DISP1: variants seen among roughly 807,000 people sequenced by gnomAD.
The protein encoded by DISP1 is dispatched RND transporter family member 1, also known as protein dispatched homolog 1.
In DISP1, 30 loss-of-function variants were observed where a neutral mutation model predicts 37.3. The ratio of observed to expected loss-of-function variants is 0.80; its 90% CI spans 0.60 to 1.09. The LOEUF (loss-of-function observed/expected upper bound fraction) is 1.09. DISP1 is among the 50% of genes least tolerant of loss of function. The pLI, the probability that DISP1 is intolerant of heterozygous loss-of-function variation, is 0.00. For missense variants in DISP1, 1,598 were observed against 1,879.5 expected (o/e 0.85, Z 2.77); for synonymous variants, 634 against 690.2 (o/e 0.92, Z 1.28).
chr1:223,005,132 T>C lies in DISP1; in HGVS notation c.3735T>C (p.Ser1245=). Residue 1245 remains serine (S), a synonymous_variant, in exon 9 of 9, where the codon AGT becomes AGC. Coordinates refer to ENST00000675850, the MANE Select transcript of DISP1 (RefSeq NM_001377229.1). ...YNSELSKSTE[S]DAGSALLQPP... ...GTGAACTCAGCAAAAGCACTGAAAG[T>C]GACGCTGGCTCTGCCTTGTTACAGC... 1.2e-6 allele frequency: 2 copies of C among 1,614,138 alleles called. No individual in the cohort carries two copies. The highest frequency in any genetic ancestry group is 1.7e-6 in the Non-Finnish European group (2 of 1,180,002).
intron 1 of DISP1, among the ~76,000 whole-genome samples, chr1:222,926,900 ACT>A (rs905671291): frequency 6.6e-6 from 1 of 152,084 alleles, no homozygotes; most frequent in Non-Finnish European, 1.5e-5. Flanking sequence ...TGTTTGAGTG[ACT>A]CACGTTTTTC....
At chr1:222,879,996 C>CA (rs1027327089) in intron 1 of DISP1, among the ~76,000 whole-genome samples, 21 of 143,802 alleles carry the variant, frequency 1.5e-4, no homozygotes, top group East Asian at 4.0e-4. Flanking sequence ...AACAAGTATG[C>CA]AAAAAAAAAA....
In DISP1 at chr1:222,977,884, C is replaced by T. The variant is rs546014856; in HGVS notation, c.510-5196C>T. On this transcript the variant is annotated intron_variant, in intron 3 of 8. Coordinates refer to ENST00000675850, the MANE Select transcript of DISP1 (RefSeq NM_001377229.1). ...ATGAACTCATCACTTTTTATGGCTGCATAGTATTCCATGGTGTATATGTGC... is the reference window on the plus strand; with the variant it reads ...ATGAACTCATCACTTTTTATGGCTGTATAGTATTCCATGGTGTATATGTGC... Among the ~76,000 whole-genome samples, 3 of 152,324 alleles carry T rather than the reference C, an allele frequency of 2.0e-5. No homozygotes were observed. In the South Asian group the frequency reaches 6.2e-4, roughly 32 times the overall value.
chr1:222,885,793 A>C (rs1448056060), intron 1 of DISP1, among the ~76,000 whole-genome samples: 1 of 152,106 alleles, frequency 6.6e-6, no homozygotes, highest in Non-Finnish European at 1.5e-5. Flanking sequence ...GAGTGGGCAG[A>C]GTGAGGAAAT....
chr1:222,935,783 G>A (rs985029841), intron 2 of DISP1, among the ~76,000 whole-genome samples: 4 of 152,156 alleles, frequency 2.6e-5, no homozygotes, highest in Non-Finnish European at 5.9e-5. Flanking sequence ...GCAGTTTTCT[G>A]GCCACACTAG....
Position 223,003,016 on chromosome 1 carries a change from T to C in DISP1, c.1619T>C (p.Ile540Thr). The C allele has an allele frequency of 1.2e-6, 2 of 1,614,020 alleles. No homozygotes were observed. Among genetic ancestry groups the C allele is most frequent in the South Asian group, 1.1e-5 (1 of 91,086 alleles). ...ATGTTTGCAATAATCAGTTCTTTGA[T>C]TGTTTCCTATTTTCTCTATCGTGTA... ...MTMFAIISSL[I>T]VSYFLYRVVF... The change falls in exon 9 of 9, where the codon ATT becomes ACT. Residue 540 changes from isoleucine (I) to threonine (T), a missense_variant. Transcript: ENST00000675850. The surrounding 1 kb of genome is among the most constrained non-coding windows in gnomAD (Gnocchi z 4.3).
intron 2 of DISP1, among the ~76,000 whole-genome samples, chr1:222,929,655 T>G (rs1322533485): frequency 1.3e-5 from 2 of 152,098 alleles, no homozygotes; most frequent in African/African-American, 4.8e-5. Flanking sequence ...AGCTCTAAAT[T>G]TATGAGTGTT....
At chr1:222,873,194 T>G (rs1298704036) in intron 1 of DISP1, among the ~76,000 whole-genome samples, 1 of 152,040 alleles carries the variant, frequency 6.6e-6, no homozygotes, top group Non-Finnish European at 1.5e-5. Context: ...TTACTTCCAA[T>G]TATGTGGTCA....
At chr1:222,977,905 T>C (rs1487902861) in intron 3 of DISP1, among the ~76,000 whole-genome samples, 1 of 152,250 alleles carries the variant, frequency 6.6e-6, no homozygotes, top group Non-Finnish European at 1.5e-5. Context: ...ATGGTGTATA[T>C]GTGCCACATT....
intron 1 of DISP1, among the ~76,000 whole-genome samples, chr1:222,829,394 C>T (rs1469387305): frequency 1.3e-5 from 2 of 150,702 alleles, no homozygotes; most frequent in Non-Finnish European, 2.9e-5. Context: ...CTTCTTAAAA[C>T]GTATCAGTTT....
intron 1 of DISP1, among the ~76,000 whole-genome samples, chr1:222,911,701 G>A (rs1315454099): frequency 6.6e-6 from 1 of 151,920 alleles, no homozygotes; most frequent in African/African-American, 2.4e-5. Context: ...TTGTTTGTGT[G>A]TGTATTTTTT....
intron 1 of DISP1, among the ~76,000 whole-genome samples, chr1:222,901,581 G>A (rs542170420): frequency 6.6e-6 from 1 of 152,220 alleles, no homozygotes; most frequent in Admixed American, 6.5e-5. Context: ...GGGCTGGAGT[G>A]CAGTGGCGCG....
intron 1 of DISP1, among the ~76,000 whole-genome samples, chr1:222,822,741 T>C (rs1663250007): frequency 6.6e-6 from 1 of 152,236 alleles, no homozygotes; most frequent in Admixed American, 6.5e-5. Flanking sequence ...GCTGGCAAAT[T>C]ATTGCCTCTA....
chr1:222,871,116 T>G (rs1669543595), intron 1 of DISP1, among the ~76,000 whole-genome samples: 1 of 150,642 alleles, frequency 6.6e-6, no homozygotes, highest in African/African-American at 2.4e-5. Context: ...CGCGGCATTA[T>G]TTCTAAGGGC....
Position 222,903,304 on chromosome 1 carries a change from G to C in DISP1, c.-158-25126G>C, listed in dbSNP as rs1183759772. Reference sequence around the variant, plus strand: ...CACACTCCGGGGACTGTTGTGGGGTGGGGGGAGGGGGGAGGGATAGCATTA... The same window carrying C: ...CACACTCCGGGGACTGTTGTGGGGTCGGGGGAGGGGGGAGGGATAGCATTA... On this transcript the variant is annotated intron_variant, in intron 1 of 8. Coordinates refer to ENST00000675850, the MANE Select transcript of DISP1 (RefSeq NM_001377229.1). 2.5e-5 allele frequency among the ~76,000 whole-genome samples: 3 copies of C among 119,464 alleles called. No individual in the cohort carries two copies. The East Asian group carries it at 9.3e-4, about 37-fold the overall frequency. The allele number at this position is 119,464 out of a possible 152,430, so 78.4% of individuals were successfully genotyped here.
chr1:222,825,870 G>C (rs1664255524), intron 1 of DISP1, among the ~76,000 whole-genome samples: 1 of 152,082 alleles, frequency 6.6e-6, no homozygotes, highest in South Asian at 2.1e-4. Context: ...GTTAAACTAT[G>C]TGTGGGGCAG....
intron 2 of DISP1, among the ~76,000 whole-genome samples, chr1:222,940,159 A>C (rs991634264): frequency 1.3e-4 from 19 of 151,870 alleles, no homozygotes; most frequent in African/African-American, 2.4e-4. Context: ...AAATAACCTG[A>C]GACTGGGTAA....
Position 223,003,176 on chromosome 1 carries a change from C to T in DISP1, c.1779C>T (p.Thr593=), listed in dbSNP as rs760042191. The T allele has an allele frequency of 6.2e-7, 1 of 1,614,240 alleles. No individual in the cohort carries two copies. The highest frequency in any genetic ancestry group is 1.1e-5 in the South Asian group (1 of 91,086). Residue 593 remains threonine (T), a synonymous_variant, in exon 9 of 9, where the codon ACC becomes ACT. Coordinates refer to ENST00000675850, the MANE Select transcript of DISP1 (RefSeq NM_001377229.1). This position sits in a 1 kb window ranked among gnomAD's most constrained non-coding sequence, Gnocchi z 4.3. Reference sequence around the variant, plus strand: ...AATTTGATAAGCCTCATGCCGAAACCTCAGAAACAGTAAGCATCACCTTGC... The same window carrying T: ...AATTTGATAAGCCTCATGCCGAAACTTCAGAAACAGTAAGCATCACCTTGC... ...YTKFDKPHAE[T]SETVSITLQH... is the part of the protein sequence containing the mutation.
At chr1:222,930,145 G>A (rs1313926622) in intron 2 of DISP1, among the ~76,000 whole-genome samples, 2 of 152,036 alleles carry the variant, frequency 1.3e-5, no homozygotes, top group Non-Finnish European at 1.5e-5. Flanking sequence ...GAGCCTTTTG[G>A]GGAAATCTGC....
Sources: gnomAD v4.1 joint callset for allele counts (sites outside exome capture counted in the v4.1 genomes callset) on GRCh38, gnomAD v4.1.1 for gene constraint, Gnocchi (gnomAD v3.1) non-coding constraint, MANE v1.5 for transcripts, NCBI Gene and HGNC (gene_info 2026-07-23, HGNC 2026-07-21) for gene names.